Variants in NEXMIF observed in about 807,000 individuals in gnomAD.
The protein encoded by NEXMIF is XLMR protein related to neurite extension.
A neutral mutation model predicts 62.1 loss-of-function variants in NEXMIF; 8 were observed. The observed-to-expected ratio is 0.13, with a 90% confidence interval of 0.08 to 0.23. The LOEUF (loss-of-function observed/expected upper bound fraction) is 0.23, where lower values mean the gene tolerates loss of function less well. Among genes scored for constraint, NEXMIF ranks in the 10% least tolerant of loss-of-function variants. NEXMIF has a pLI of 1.00. For synonymous variants in NEXMIF, 404 were observed against 416.6 expected (o/e 0.97, Z 0.37); for missense variants, 976 against 1,113.3 (o/e 0.88, Z 1.75).
chrX:74,894,679 CA>C (rs1462445827), intron 1 of NEXMIF, among the ~76,000 whole-genome samples: 1 of 112,074 alleles, frequency 8.9e-6, no homozygotes, highest in African/African-American at 3.2e-5. Context: ...AAGGATGGTC[CA>C]ACACTCACAA....
At chrX:74,802,244 C>A (rs1172951398) in intron 1 of NEXMIF, among the ~76,000 whole-genome samples, 1 of 110,952 alleles carries the variant, frequency 9.0e-6, no homozygotes, top group Non-Finnish European at 1.9e-5. Flanking sequence ...TTACAGCAGG[C>A]CTTGTGTAAG....
At chrX:74,786,815 G>A in intron 1 of NEXMIF, among the ~76,000 whole-genome samples, 1 of 109,618 alleles carries the variant, frequency 9.1e-6, no homozygotes, top group East Asian at 2.9e-4. Context: ...AAACAAGGTT[G>A]TACACACACA....
intron 1 of NEXMIF, among the ~76,000 whole-genome samples, chrX:74,746,744 A>G (rs2080127151): frequency 8.9e-6 from 1 of 112,695 alleles, no homozygotes; most frequent in African/African-American, 3.2e-5. Flanking sequence ...TCCCTTATCT[A>G]TAAAATACAA....
chrX:74,895,939 A>G (rs979132443), intron 1 of NEXMIF, among the ~76,000 whole-genome samples: 1 of 110,876 alleles, frequency 9.0e-6, no homozygotes. Context: ...CAGTAAAAGG[A>G]ATCTTATCTG....
chrX:74,845,326 A>T lies in NEXMIF; in HGVS notation c.-48+79557T>A, dbSNP rs750736088. Reference sequence around the variant, plus strand: ...CCTTTTTAGAAAATAGTCTACTCTGAGGATACACATGGATCAAAAATAAAC... The same window carrying T: ...CCTTTTTAGAAAATAGTCTACTCTGTGGATACACATGGATCAAAAATAAAC... On this transcript the variant is annotated intron_variant, in intron 1 of 3. Coordinates refer to ENST00000055682, the MANE Select transcript of NEXMIF (RefSeq NM_001008537.3). 8.0e-5 allele frequency among the ~76,000 whole-genome samples: 9 copies of T among 112,066 alleles called. No homozygotes were observed. The East Asian group carries it at 2.5e-3, about 31-fold the overall frequency.
intron 1 of NEXMIF, among the ~76,000 whole-genome samples, chrX:74,873,803 T>C (rs1329223209): frequency 1.8e-5 from 2 of 112,119 alleles, no homozygotes; most frequent in African/African-American, 6.5e-5. Flanking sequence ...TTCAGAAATG[T>C]CTGTTCATGT....
intron 1 of NEXMIF, among the ~76,000 whole-genome samples, chrX:74,762,047 TTGG>T (rs2080178066): frequency 9.0e-6 from 1 of 110,927 alleles, no homozygotes. Flanking sequence ...ACATGCATTA[TTGG>T]TGTACTGCAC....
intron 2 of NEXMIF, 128 bp from the exon 3 acceptor site, chrX:74,744,605 T>G: frequency 4.9e-6 from 2 of 409,755 alleles, no homozygotes; most frequent in East Asian, 3.8e-5. Context: ...CACATCTCTA[T>G]CTTTACAAAT....
chrX:74,787,088 G>A, intron 1 of NEXMIF, among the ~76,000 whole-genome samples: 1 of 85,390 alleles, frequency 1.2e-5, no homozygotes, highest in African/African-American at 4.5e-5. Flanking sequence ...GTGAAACCCT[G>A]TCTCTACCAA....
chrX:74,878,257 A>G (rs1381492843), intron 1 of NEXMIF, among the ~76,000 whole-genome samples: 3 of 111,549 alleles, frequency 2.7e-5, no homozygotes, highest in Non-Finnish European at 5.7e-5. Flanking sequence ...CGTGTGAGGT[A>G]TGAGTCTGCC....
At chrX:74,881,779 T>C (rs2080665323) in intron 1 of NEXMIF, among the ~76,000 whole-genome samples, 1 of 100,570 alleles carries the variant, frequency 9.9e-6, no homozygotes, top group African/African-American at 3.9e-5. Context: ...AATTGCCACA[T>C]TACAAAAATA....
At chrX:74,783,401 G>C (rs2080251998) in intron 1 of NEXMIF, among the ~76,000 whole-genome samples, 1 of 111,556 alleles carries the variant, frequency 9.0e-6, no homozygotes, top group African/African-American at 3.3e-5. Context: ...TTCAAAAGAA[G>C]CAATGAGTTC....
At chrX:74,786,450 A>G (rs770732592) in intron 1 of NEXMIF, among the ~76,000 whole-genome samples, 7 of 111,534 alleles carry the variant, frequency 6.3e-5, no homozygotes, top group Non-Finnish European at 1.3e-4. Flanking sequence ...GGGAATATCT[A>G]AAGAGAAAGG....
At chrX:74,757,848 A>G (rs910181521) in intron 1 of NEXMIF, among the ~76,000 whole-genome samples, 4 of 111,561 alleles carry the variant, frequency 3.6e-5, no homozygotes, top group Non-Finnish European at 7.5e-5. Context: ...AATGGAGACA[A>G]TGTTGCTAGA....
At chrX:74,912,601 G>A (rs867855865) in intron 1 of NEXMIF, among the ~76,000 whole-genome samples, 58 of 111,110 alleles carry the variant, frequency 5.2e-4, no homozygotes, top group African/African-American at 1.7e-3. Context: ...AGCACCTCAG[G>A]TTTTGGAACC....
At position 74,740,801 on chromosome X, in the gene NEXMIF, G is replaced by A; in HGVS notation, c.3756C>T (p.Ser1252=). 14 of 1,211,998 alleles carry A rather than the reference G, an allele frequency of 1.2e-5. No individual in the cohort carries two copies. The highest frequency in any genetic ancestry group is 1.6e-5 in the Non-Finnish European group (14 of 895,438). ...ATTCAGCCAATGTCTTCCCAGTGGAGGATATGGTGTTGGTTTGGCTTCCCC... is the reference window on the plus strand; with the variant it reads ...ATTCAGCCAATGTCTTCCCAGTGGAAGATATGGTGTTGGTTTGGCTTCCCC... The part of the protein sequence containing the change: ...GRGGSQTNTI[S]STGKTLAECI... Residue 1252 remains serine, a synonymous_variant, in exon 3 of 4, where the codon TCC becomes TCT. Transcript: ENST00000055682.
At chrX:74,849,377 C>A (rs768614004) in intron 1 of NEXMIF, among the ~76,000 whole-genome samples, 2 of 112,425 alleles carry the variant, frequency 1.8e-5, no homozygotes, top group South Asian at 7.5e-4. Flanking sequence ...CCTCAGCAGT[C>A]CACATTCCCA....
intron 1 of NEXMIF, among the ~76,000 whole-genome samples, chrX:74,749,332 G>C (rs891080169): frequency 9.0e-6 from 1 of 110,641 alleles, no homozygotes. Context: ...AATGCTACAA[G>C]TCTCCCTCCC....
chrX:74,923,627 T>G (rs919650982), intron 1 of NEXMIF, among the ~76,000 whole-genome samples: 2 of 111,912 alleles, frequency 1.8e-5, no homozygotes, highest in African/African-American at 6.5e-5. Flanking sequence ...ACACAAATGG[T>G]CGTAAGGAGT....
Sources: gnomAD v4.1 joint callset for allele counts (sites outside exome capture counted in the v4.1 genomes callset) on GRCh38, gnomAD v4.1.1 for gene constraint, MANE v1.5 for transcripts, NCBI Gene and HGNC (gene_info 2026-07-23, HGNC 2026-07-21) for gene names.